The following IL21R variants were observed in gnomAD, a reference collection of about 807,000 sequenced individuals.
IL21R encodes interleukin-21 receptor.
Under a neutral mutation model 41.3 loss-of-function variants are expected in IL21R, and 14 were observed. The observed-to-expected ratio is 0.34, with a 90% CI of 0.22 to 0.53. The LOEUF is 0.53. Ranked by LOEUF, IL21R falls within the 20% of genes least tolerant of loss-of-function variation. IL21R has a pLI of 0.94. For missense variants in IL21R, 588 were observed against 681.6 expected (o/e 0.86, Z 1.53); for synonymous variants, 286 against 287.6 (o/e 0.99, Z 0.05).
intron 6 of IL21R, 102 bp downstream of exon 6, chr16:27,444,821 C>A: frequency 9.1e-7 from 1 of 1,102,338 alleles, no homozygotes; most frequent in South Asian, 1.8e-5. Context: ...GGGAGGTATT[C>A]AGTTGTTCAT....
chr16:27,436,540 C>A (rs1208940539), intron 3 of IL21R, among the ~76,000 whole-genome samples: 1 of 152,180 alleles, frequency 6.6e-6, no homozygotes, highest in Non-Finnish European at 1.5e-5. Flanking sequence ...TCCACACATC[C>A]CTACTGGGCC....
chr16:27,435,089 C>G (rs1180609088), intron 3 of IL21R, among the ~76,000 whole-genome samples: 3 of 152,036 alleles, frequency 2.0e-5, no homozygotes, highest in African/African-American at 7.2e-5. Context: ...ATCACAAAAC[C>G]CTGTCTCTAC....
chr16:27,449,511 G>C lies in IL21R; in HGVS notation c.*228G>C. Reference sequence around the variant, plus strand: ...CGCAGTGGCATGTCCACGTGTGTGTGTGATTGCACGTGCCTGTGGGCCTGG... The same window carrying C: ...CGCAGTGGCATGTCCACGTGTGTGTCTGATTGCACGTGCCTGTGGGCCTGG... On this transcript the variant is annotated 3_prime_UTR_variant, in exon 9 of 9. Transcript: ENST00000337929. The C allele has an allele frequency of 1.8e-6, 1 of 569,272 alleles. No homozygotes were observed. The highest frequency in any genetic ancestry group is 2.9e-5 in the East Asian group (1 of 34,560). The allele number at this position is 569,272 out of a possible 1,614,324, so 35.3% of individuals were successfully genotyped here.
chr16:27,439,010 C>A (rs1596590081), intron 4 of IL21R, among the ~76,000 whole-genome samples: 1 of 152,068 alleles, frequency 6.6e-6, no homozygotes, highest in South Asian at 2.1e-4. Flanking sequence ...AGGGAGCCTG[C>A]CCTCAGGAAG....
At position 27,440,222 on chromosome 16, in the gene IL21R, A is replaced by AATATATATAT. The variant is rs60418304; in HGVS notation, c.352+2553_352+2562dup. Among the ~76,000 whole-genome samples, 379 of 75,808 alleles carry AATATATATAT rather than the reference A, an allele frequency of 5.0e-3. 9 individuals carry two copies. Among genetic ancestry groups the AATATATATAT allele is most frequent in the Non-Finnish European group, 6.1e-3 (265 of 43,134 alleles). 49.7% of individuals were successfully genotyped at this position (75,808 alleles called of 152,430 possible). On this transcript the variant is annotated intron_variant, in intron 4 of 8. Transcript: ENST00000337929. ...GCAAGGTTCATTAGTTAATCTGACA[A>AATATATATAT]ATATATATATATATATATATATATA... is the stretch of plus-strand genomic sequence containing the variant.
At chr16:27,419,223 A>C (rs1445058249) in intron 1 of IL21R, among the ~76,000 whole-genome samples, 1 of 152,136 alleles carries the variant, frequency 6.6e-6, no homozygotes, top group East Asian at 1.9e-4. Context: ...AAAACAAAAA[A>C]CAAAAAATCT....
chr16:27,432,192 C>T (rs1482979457), intron 2 of IL21R, among the ~76,000 whole-genome samples: 2 of 152,254 alleles, frequency 1.3e-5, no homozygotes, highest in Non-Finnish European at 2.9e-5. Flanking sequence ...CGGCCTTCAC[C>T]ATGCTGTGCT....
chr16:27,409,286 A>G (rs918168148), intron 1 of IL21R, among the ~76,000 whole-genome samples: 4 of 107,972 alleles, frequency 3.7e-5, no homozygotes, highest in African/African-American at 1.2e-4. Context: ...AAATTTACAT[A>G]TATATATAAT....
intron 1 of IL21R, among the ~76,000 whole-genome samples, chr16:27,408,433 C>T (rs2086780182): frequency 6.6e-6 from 1 of 152,148 alleles, no homozygotes; most frequent in Non-Finnish European, 1.5e-5. Flanking sequence ...CCTTGAATAC[C>T]AGACAAGGAA....
intron 4 of IL21R, among the ~76,000 whole-genome samples, chr16:27,440,246 T>TAGAGAGAGAGAGAGAGAG (rs1163938129): frequency 3.8e-5 from 3 of 78,624 alleles, no homozygotes; most frequent in African/African-American, 1.3e-4. Flanking sequence ...TATATATATA[T>TAGAGAGAGAGAGAGAGAG]ATAGAGAGAG....
rs560878281 is a variant in IL21R at position 27,445,741 on chromosome 16, T to C, written c.786-266T>C. ...GCACCCCTGGTTGCAGATAAAGAAGTTGAGGCTCAGAAGGGGCAACATTTG... is the reference window on the plus strand; with the variant it reads ...GCACCCCTGGTTGCAGATAAAGAAGCTGAGGCTCAGAAGGGGCAACATTTG... On this transcript the variant is annotated intron_variant, in intron 7 of 8. Coordinates refer to ENST00000337929, the MANE Select transcript of IL21R (RefSeq NM_181078.3). Among the ~76,000 whole-genome samples the C allele has an allele frequency of 5.3e-5, 8 of 152,172 alleles. No homozygotes were observed. In the East Asian group the frequency reaches 9.7e-4, roughly 18 times the overall value.
rs914664932 is a variant in IL21R, at chr16:27,412,602, TAA to T, written c.-17+9985_-17+9986del. Among the ~76,000 whole-genome samples the T allele has an allele frequency of 3.9e-5, 6 of 152,272 alleles. No individual in the cohort carries two copies. The East Asian group carries it at 9.6e-4, about 24-fold the overall frequency. On this transcript the variant is annotated intron_variant, in intron 1 of 8. Transcript: ENST00000337929. ...AGTAGTATTGTCATCTTAACAATAT[TAA>T]GTCTTCCAATCCATGATCATGGGAT...
chr16:27,417,259 T>A (rs1227992293), intron 1 of IL21R, among the ~76,000 whole-genome samples: 3 of 150,302 alleles, frequency 2.0e-5, no homozygotes, highest in Non-Finnish European at 2.9e-5. Context: ...ACTCTTGGGC[T>A]CATGTGATCC....
In IL21R at chr16:27,448,256, A is replaced by T. The variant is rs1364343559; in HGVS notation, c.868-278A>T. ...GATCACCTGACGTCAGGAGTTCAAG[A>T]TCAGTCTGGCCAACATGGTGAAACC... On this transcript the variant is annotated intron_variant, in intron 8 of 8. Coordinates refer to ENST00000337929, the MANE Select transcript of IL21R (RefSeq NM_181078.3). 20 of 368,760 alleles carry T rather than the reference A, an allele frequency of 5.4e-5. No individual in the cohort carries two copies. In the Admixed American group the frequency reaches 8.7e-4, roughly 16 times the overall value. 22.8% of individuals were successfully genotyped at this position (368,760 alleles called of 1,614,324 possible). A position where few individuals can be genotyped will look rare whatever the true frequency, so the allele number is the denominator to read the frequency against.
At chr16:27,418,010 TATTTA>T (rs2086917194) in intron 1 of IL21R, among the ~76,000 whole-genome samples, 2 of 55,140 alleles carry the variant, frequency 3.6e-5, no homozygotes, top group Admixed American at 2.2e-4. Flanking sequence ...TTTCCTATTT[TATTTA>T]TTTTATTTTA....
chr16:27,415,769 C>G (rs62032068), intron 1 of IL21R, among the ~76,000 whole-genome samples: 3 of 152,092 alleles, frequency 2.0e-5, no homozygotes, highest in Non-Finnish European at 4.4e-5. Context: ...TAACGATCAC[C>G]CATTTTTCTT....
chr16:27,414,504 C>T (rs2086868478), intron 1 of IL21R, among the ~76,000 whole-genome samples: 2 of 151,922 alleles, frequency 1.3e-5, no homozygotes, highest in Admixed American at 1.3e-4. Flanking sequence ...ACCTGTAATT[C>T]TACTTTCCTT....
intron 1 of IL21R, among the ~76,000 whole-genome samples, chr16:27,416,440 A>C (rs552646080): frequency 6.6e-6 from 1 of 152,144 alleles, no homozygotes; most frequent in Admixed American, 6.5e-5. Flanking sequence ...ACCCAGCCTA[A>C]TTCATATATT....
intron 4 of IL21R, among the ~76,000 whole-genome samples, chr16:27,440,542 A>C (rs2087370942): frequency 6.6e-6 from 1 of 151,980 alleles, no homozygotes. Flanking sequence ...CAAAGTGCTG[A>C]GATTTTTGGC....
Sources: allele counts gnomAD v4.1 joint callset (sites outside exome capture counted in the v4.1 genomes callset), GRCh38; gene constraint gnomAD v4.1.1; transcripts MANE v1.5; gene names NCBI Gene and HGNC (gene_info 2026-07-23, HGNC 2026-07-21).